The following CDH23 variants were observed in gnomAD, a reference collection of about 807,000 sequenced individuals.
CDH23 encodes the protein cadherin related 23.
Under a neutral mutation model 317.1 loss-of-function variants are expected in CDH23, and 189 were observed. The ratio of observed to expected loss-of-function variants is 0.60; its 90% CI spans 0.53 to 0.67. The LOEUF (loss-of-function observed/expected upper bound fraction) is 0.67, where lower values mean the gene tolerates loss of function less well. Ranked by LOEUF, CDH23 falls within the 30% of genes least tolerant of loss-of-function variation. CDH23 has a pLI of 0.00. For missense variants in CDH23, 4,401 were observed against 4,592.4 expected (o/e 0.96, Z 1.20); for synonymous variants, 1,839 against 1,876.8 (o/e 0.98, Z 0.52).
chr10:71,663,179 G>A (rs1162179315), intron 14 of CDH23, among the ~76,000 whole-genome samples: 1 of 152,174 alleles, frequency 6.6e-6, no homozygotes, highest in African/African-American at 2.4e-5. Flanking sequence ...TATTTTGGGA[G>A]GTCACCATTC....
chr10:71,413,285 T>C (rs1381914484), intron 1 of CDH23, among the ~76,000 whole-genome samples: 1 of 152,222 alleles, frequency 6.6e-6, no homozygotes, highest in Non-Finnish European at 1.5e-5. Context: ...ATCAATTGTT[T>C]GTTTATGTGA....
intron 8 of CDH23, among the ~76,000 whole-genome samples, chr10:71,576,627 G>A (rs1016754882): frequency 1.3e-5 from 2 of 152,146 alleles, no homozygotes; most frequent in Non-Finnish European, 2.9e-5. Context: ...CTAGGGGGTG[G>A]GGACAGGCTT....
At position 71,646,518 on chromosome 10, in the gene CDH23, C is replaced by A. The variant is rs2132596992; in HGVS notation, c.1350C>A (p.Leu450=). The stretch of plus-strand genomic sequence containing the variant: ...GCTATGCCAAGGTGAAGATCACTCT[C>A]ATCAATGAAAATGACAACCGGCCCA... ...HVGYAKVKIT[L]INENDNRPIF... The change falls in exon 14 of 70, where the codon CTC becomes CTA. Residue 450 remains leucine, a synonymous_variant. Transcript: ENST00000224721. The A allele has an allele frequency of 1.9e-6, 3 of 1,614,008 alleles. No homozygotes were observed. Among genetic ancestry groups the A allele is most frequent in the Non-Finnish European group, 2.5e-6 (3 of 1,179,894 alleles).
At chr10:71,552,194 A>G (rs1239133015) in intron 6 of CDH23, among the ~76,000 whole-genome samples, 1 of 152,162 alleles carries the variant, frequency 6.6e-6, no homozygotes, top group Non-Finnish European at 1.5e-5. Context: ...AGGCTCAGAG[A>G]GCTTCAGTAC....
At chr10:71,567,054 A>G in intron 7 of CDH23, 118 bp downstream of exon 7, 2 of 931,024 alleles carry the variant, frequency 2.1e-6, no homozygotes, top group Admixed American at 4.5e-5. Flanking sequence ...GATCTATAAT[A>G]ATTATAGTGG....
chr10:71,627,318 CTG>C (rs1861783140), intron 11 of CDH23, among the ~76,000 whole-genome samples: 1 of 152,188 alleles, frequency 6.6e-6, no homozygotes, highest in Admixed American at 6.5e-5. Context: ...ACAGCCCAGA[CTG>C]TGCGTTTTCC....
chr10:71,578,504 A>C lies in CDH23; in HGVS notation c.832+512A>C, dbSNP rs75430969. Among the ~76,000 whole-genome samples the C allele has an allele frequency of 4.2e-3, 644 of 152,246 alleles. 7 individuals carry two copies. The highest frequency in any genetic ancestry group is 0.015 in the African/African-American group (622 of 41,540). Reference sequence around the variant, plus strand: ...CGCATCTGGAATGTTGCGGGGGGGAACATCAGCCCCCTTGCCGCCCAGCTG... The same window carrying C: ...CGCATCTGGAATGTTGCGGGGGGGACCATCAGCCCCCTTGCCGCCCAGCTG... On this transcript the variant is annotated intron_variant, in intron 9 of 69. Coordinates refer to ENST00000224721, the MANE Select transcript of CDH23 (RefSeq NM_022124.6).
At chr10:71,402,436 A>G (rs906584308) in intron 1 of CDH23, among the ~76,000 whole-genome samples, 4 of 152,196 alleles carry the variant, frequency 2.6e-5, no homozygotes, top group Admixed American at 1.3e-4. Flanking sequence ...AGAGCTCTGA[A>G]GCCTTGGGTC....
At position 71,815,242 on chromosome 10, in the gene CDH23, G is replaced by C. The variant is rs1354977244; in HGVS notation, c.10029G>C (p.Val3343=). The C allele has an allele frequency of 5.0e-6, 8 of 1,589,096 alleles. No individual in the cohort carries two copies. The highest frequency in any genetic ancestry group is 6.9e-6 in the Non-Finnish European group (8 of 1,162,976). The part of the protein sequence containing the change: ...KSTPLHKLRD[V]IMETPLEITE... ...CACCCCTGCACAAACTTCGCGACGTGATCATGGAGACCCCCCTGGAGATCA... is the reference window on the plus strand; with the variant it reads ...CACCCCTGCACAAACTTCGCGACGTCATCATGGAGACCCCCCTGGAGATCA... The change falls in exon 70 of 70, where the codon GTG becomes GTC. Residue 3343 remains valine, a synonymous_variant. Transcript: ENST00000224721.
At chr10:71,507,457 C>T (rs371338757) in intron 3 of CDH23, among the ~76,000 whole-genome samples, 8 of 152,122 alleles carry the variant, frequency 5.3e-5, no homozygotes, top group South Asian at 2.1e-4. Context: ...TTTGGTAGGC[C>T]GAGGTGGGCA....
intron 9 of CDH23, among the ~76,000 whole-genome samples, chr10:71,604,993 G>A (rs1157564069): frequency 1.3e-5 from 2 of 152,200 alleles, no homozygotes; most frequent in Non-Finnish European, 2.9e-5. Flanking sequence ...CCCAGGGAGA[G>A]GAAGAATTAC....
At position 71,805,850 on chromosome 10, in the gene CDH23, C is replaced by G; in HGVS notation, c.7917C>G (p.Asp2639Glu). 6.2e-7 allele frequency: 1 copy of G among 1,613,822 alleles called. No homozygotes were observed. The highest frequency in any genetic ancestry group is 8.5e-7 in the Non-Finnish European group (1 of 1,179,854). The change falls in exon 56 of 70, where the codon GAC becomes GAG. Residue 2639 changes from aspartate to glutamate, a missense_variant. This residue lies in a region of CDH23 where 1,144 missense variants were observed against 1,138.2 expected (regional missense o/e 1.01). Coordinates refer to ENST00000224721, the MANE Select transcript of CDH23 (RefSeq NM_022124.6). ...ACGTGTACGAGGTCTACGCCACGGA[C>G]AAGGATGAGGGCCTCAACGGGGCGG... ...RSNVYEVYAT[D>E]KDEGLNGAVR...
chr10:71,706,823 G>T, intron 25 of CDH23, 74 bp from the exon 26 acceptor site: 3 of 1,518,344 alleles, frequency 2.0e-6, no homozygotes, highest in Non-Finnish European at 2.7e-6. Flanking sequence ...GTCTGGTGCT[G>T]GAGACGCTGC....
At chr10:71,769,289 A>C (rs1840631681) in intron 38 of CDH23, among the ~76,000 whole-genome samples, 1 of 152,186 alleles carries the variant, frequency 6.6e-6, no homozygotes, top group Non-Finnish European at 1.5e-5. Context: ...AAGGGAAAGC[A>C]GCAGTTTTCA....
At chr10:71,804,461 T>C (rs969318824) in intron 55 of CDH23, among the ~76,000 whole-genome samples, 1 of 152,176 alleles carries the variant, frequency 6.6e-6, no homozygotes, top group African/African-American at 2.4e-5. Flanking sequence ...GTCTCCCACT[T>C]GTTCTTTGTC....
intron 36 of CDH23, 131 bp downstream of exon 36, chr10:71,739,903 C>T: frequency 9.2e-7 from 1 of 1,089,986 alleles, no homozygotes; most frequent in Middle Eastern, 2.2e-4. Context: ...CACCAAGTAA[C>T]ATGGGGCCAG....
chr10:71,722,976 A>C (rs997946904), intron 28 of CDH23, among the ~76,000 whole-genome samples: 17 of 152,314 alleles, frequency 1.1e-4, no homozygotes, highest in African/African-American at 3.6e-4. Context: ...CAAGGTCAAC[A>C]ATCCCAGAGA....
chr10:71,495,920 G>A (rs1852940130), intron 3 of CDH23, among the ~76,000 whole-genome samples: 1 of 152,154 alleles, frequency 6.6e-6, no homozygotes, highest in African/African-American at 2.4e-5. Flanking sequence ...TCTCAAAAAT[G>A]TGGTCTCAGA....
intron 11 of CDH23, among the ~76,000 whole-genome samples, chr10:71,636,944 G>A (rs1395867415): frequency 6.6e-6 from 1 of 152,142 alleles, no homozygotes; most frequent in Non-Finnish European, 1.5e-5. Flanking sequence ...AACGGAAGCA[G>A]TGTCCTCTGC....
Sources: gnomAD v4.1 joint callset for allele counts (sites outside exome capture counted in the v4.1 genomes callset) on GRCh38, gnomAD v4.1.1 for gene constraint, gnomAD v4.1.1 regional missense constraint, MANE v1.5 for transcripts, NCBI Gene and HGNC (gene_info 2026-07-23, HGNC 2026-07-21) for gene names.